Variants in FHL2 observed in about 807,000 individuals in gnomAD.
FHL2 encodes the protein four and a half LIM domains protein 2.
In FHL2, 20 loss-of-function variants were observed where a neutral mutation model predicts 32.7. The ratio of observed to expected loss-of-function variants is 0.61; its 90% CI spans 0.43 to 0.89. The LOEUF (loss-of-function observed/expected upper bound fraction) is 0.89. Among genes scored for constraint, FHL2 ranks in the 40% least tolerant of loss-of-function variants. The pLI is 0.00. For missense variants in FHL2, 311 were observed against 358.6 expected, an observed-to-expected ratio of 0.87 and a Z score of 1.07; for synonymous variants, 123 against 128.1, an observed-to-expected ratio of 0.96 and a Z score of 0.27.
chr2:105,412,284 C>T (rs901072154), intron 1 of FHL2, among the ~76,000 whole-genome samples: 1 of 152,158 alleles, frequency 6.6e-6, no homozygotes, highest in African/African-American at 2.4e-5. Context: ...CATGCTCCAA[C>T]AGGGATGGAC....
intron 1 of FHL2, among the ~76,000 whole-genome samples, chr2:105,430,909 C>T (rs2104682670): frequency 1.3e-5 from 2 of 152,288 alleles, no homozygotes; most frequent in East Asian, 3.9e-4. Context: ...CCCATTATGT[C>T]CAATCACATT....
At chr2:105,435,937 T>C (rs529998670) in intron 1 of FHL2, among the ~76,000 whole-genome samples, 2 of 152,376 alleles carry the variant, frequency 1.3e-5, no homozygotes, top group South Asian at 2.1e-4. Context: ...AGATCAAGTA[T>C]GTTTTATGCA....
chr2:105,407,536 C>T (rs763209943), intron 1 of FHL2, among the ~76,000 whole-genome samples: 1 of 152,000 alleles, frequency 6.6e-6, no homozygotes, highest in Non-Finnish European at 1.5e-5. Context: ...GGCTTTGCAC[C>T]GAGATCCAGT....
rs1680244160 is a variant in FHL2, at chr2:105,361,349, C to T, written c.774G>A (p.Leu258=). 1.2e-6 allele frequency: 2 copies of T among 1,614,148 alleles called. No homozygotes were observed. Among genetic ancestry groups the T allele is most frequent in the East Asian group, 4.5e-5 (2 of 44,884 alleles). ...CFNCKKCSLS[L]VGRGFLTERD... is the part of the protein sequence containing the mutation. ...TCTCTGTGAGGAAGCCACGCCCCAC[C>T]AGTGAGAGGGAGCACTTCTTACAGT... is the stretch of plus-strand genomic sequence containing the variant. The change falls in exon 7 of 7, where the codon CTG becomes CTA. Residue 258 remains leucine (L), a synonymous_variant. Coordinates refer to ENST00000530340, the MANE Select transcript of FHL2 (RefSeq NM_001318895.3).
At position 105,373,387 on chromosome 2, in the gene FHL2, C is replaced by A. The variant is rs79796753; in HGVS notation, c.331+172G>T. On this transcript the variant is annotated intron_variant, in intron 4 of 6. Transcript: ENST00000530340. ...GATCCCGTTACTGCCCATGATAGAACCTGTATGTCCCTGCTTCGTAAGTAC... is the reference window on the plus strand; with the variant it reads ...GATCCCGTTACTGCCCATGATAGAAACTGTATGTCCCTGCTTCGTAAGTAC... 1.9e-3 allele frequency: 1,303 copies of A among 673,172 alleles called. 15 individuals carry two copies. The African/African-American group carries it at 0.021, about 11-fold the overall frequency. 41.7% of individuals were successfully genotyped at this position (673,172 alleles called of 1,614,324 possible). A position where few individuals can be genotyped will look rare whatever the true frequency, so the allele number is the denominator to read the frequency against.
chr2:105,371,805 T>C (rs1452539170), intron 4 of FHL2, among the ~76,000 whole-genome samples: 5 of 152,178 alleles, frequency 3.3e-5, no homozygotes, highest in African/African-American at 1.2e-4. Context: ...TTTAATTTGT[T>C]TTTCAATTAA....
At chr2:105,405,782 G>A (rs931222397) in intron 1 of FHL2, among the ~76,000 whole-genome samples, 1 of 152,252 alleles carries the variant, frequency 6.6e-6, no homozygotes, top group Non-Finnish European at 1.5e-5. Flanking sequence ...CTAGGAGGCA[G>A]GGGGTGAACC....
In FHL2 at chr2:105,418,626, T is replaced by C. The variant is rs57400709; in HGVS notation, c.-25+19773A>G. On this transcript the variant is annotated intron_variant, in intron 1 of 5. Transcript: ENST00000393352. ...GGATAAAGTATGCGCAGACATAGAG[T>C]ATTCTATTTCTTCTTCAAGGATATA... is the stretch of plus-strand genomic sequence containing the variant. Among the ~76,000 whole-genome samples, 612 of 152,172 alleles carry C rather than the reference T, an allele frequency of 4.0e-3. 1 individual carries two copies. The highest frequency in any genetic ancestry group is 0.013 in the African/African-American group (538 of 41,500).
intron 1 of FHL2, among the ~76,000 whole-genome samples, chr2:105,414,108 C>T (rs1683867016): frequency 6.6e-6 from 1 of 152,140 alleles, no homozygotes. Flanking sequence ...TAGAGCAGCT[C>T]ACAGAACTGA....
Position 105,435,547 on chromosome 2 carries a change from C to T in FHL2, c.-25+2852G>A, listed in dbSNP as rs529887799. On this transcript the variant is annotated intron_variant, in intron 1 of 5. Transcript: ENST00000393352. ...CCGCTTCAGATACCATCTAGACATG[C>T]TTACTCTTTAAAGACCAGAATGACA... Among the ~76,000 whole-genome samples, 11 of 152,250 alleles carry T rather than the reference C, an allele frequency of 7.2e-5. No homozygotes were observed. The East Asian group carries it at 1.9e-3, about 27-fold the overall frequency.
upstream of FHL2, among the ~76,000 whole-genome samples, chr2:105,403,877 A>G (rs1444990629): frequency 2.0e-5 from 3 of 152,252 alleles, no homozygotes; most frequent in Non-Finnish European, 2.9e-5. Flanking sequence ...AGTTTGAGCC[A>G]GGAGGTAGAA....
chr2:105,423,833 C>T (rs1684178644), intron 1 of FHL2, among the ~76,000 whole-genome samples: 1 of 152,150 alleles, frequency 6.6e-6, no homozygotes, highest in Admixed American at 6.5e-5. Flanking sequence ...ATGCAGAAAG[C>T]TGAAACTGGA....
chr2:105,422,006 G>A (rs60014802), intron 1 of FHL2, among the ~76,000 whole-genome samples: 6,159 of 152,248 alleles, frequency 0.04, 410 homozygotes, highest in African/African-American at 0.14. Context: ...GTCCTGTTGC[G>A]TGCATTGGCA....
chr2:105,412,698 G>A (rs891247840), intron 1 of FHL2, among the ~76,000 whole-genome samples: 3 of 152,190 alleles, frequency 2.0e-5, no homozygotes, highest in Admixed American at 6.5e-5. Context: ...GGCAGCATCC[G>A]CAGAGGTGGC....
chr2:105,408,291 T>A (rs1257427599), intron 1 of FHL2, among the ~76,000 whole-genome samples: 2 of 152,236 alleles, frequency 1.3e-5, no homozygotes, highest in Non-Finnish European at 2.9e-5. Context: ...ATTTTGGATG[T>A]ATAAATATTT....
intron 1 of FHL2, among the ~76,000 whole-genome samples, chr2:105,427,843 C>G (rs1236675002): frequency 6.6e-6 from 1 of 152,156 alleles, no homozygotes; most frequent in Non-Finnish European, 1.5e-5. Context: ...CCAGCAGTTA[C>G]ACCTGTGGAC....
At position 105,399,000 on chromosome 2, in the gene FHL2, G is replaced by C. The variant is rs1426954830; in HGVS notation, c.-234C>G. On this transcript the variant is annotated 5_prime_UTR_variant, in exon 1 of 7. Transcript: ENST00000530340. Reference sequence around the variant, plus strand: ...CGCAGCGGGCCGGGGACTCCCGGACGGGGCTGGAGGGCGCGGGCGGCTGGT... The same window carrying C: ...CGCAGCGGGCCGGGGACTCCCGGACCGGGCTGGAGGGCGCGGGCGGCTGGT... 6.7e-6 allele frequency: 10 copies of C among 1,490,764 alleles called. No individual in the cohort carries two copies. Among genetic ancestry groups the C allele is most frequent in the Admixed American group, 2.5e-5 (1 of 40,512 alleles). The allele number at this position is 1,490,764 out of a possible 1,614,324, so 92.3% of individuals were successfully genotyped here. A position where few individuals can be genotyped will look rare whatever the true frequency, so the allele number is the denominator to read the frequency against.
At chr2:105,403,523 A>C (rs1193877375), upstream of FHL2, among the ~76,000 whole-genome samples, 2 of 152,168 alleles carry the variant, frequency 1.3e-5, no homozygotes, top group Admixed American at 6.5e-5. Context: ...AGAGAGGAAA[A>C]GACTTCCTGC....
chr2:105,430,075 C>T (rs1684382973), intron 1 of FHL2, among the ~76,000 whole-genome samples: 1 of 152,178 alleles, frequency 6.6e-6, no homozygotes. Context: ...CTCCCACCTC[C>T]CTTCCTTGAC....
Sources: allele counts gnomAD v4.1 joint callset (sites outside exome capture counted in the v4.1 genomes callset), GRCh38; gene constraint gnomAD v4.1.1; transcripts MANE v1.5; gene names NCBI Gene and HGNC (gene_info 2026-07-23, HGNC 2026-07-21).